DOCK2: variants seen among roughly 807,000 people sequenced by gnomAD.
The protein encoded by DOCK2 is dedicator of cytokinesis protein 2.
A neutral mutation model predicts 248.9 loss-of-function variants in DOCK2; 87 were observed. That is an observed-to-expected ratio of 0.35 (90% CI 0.29 to 0.42). DOCK2 has a LOEUF of 0.42. Ranked by LOEUF, DOCK2 falls within the 10% of genes least tolerant of loss-of-function variation. The pLI is 1.00. For synonymous variants in DOCK2, 805 were observed against 821.6 expected (o/e 0.98, Z 0.35); for missense variants, 1,747 against 2,300.2 (o/e 0.76, Z 4.92).
chr5:169,693,010 T>G (rs1247072363), intron 9 of DOCK2, among the ~76,000 whole-genome samples: 1 of 151,890 alleles, frequency 6.6e-6, no homozygotes, highest in African/African-American at 2.4e-5. Context: ...GAATTTGGGG[T>G]GTGTGTGTGG....
chr5:169,818,101 C>G (rs1561729038), intron 26 of DOCK2, among the ~76,000 whole-genome samples: 1 of 152,142 alleles, frequency 6.6e-6, no homozygotes, highest in Admixed American at 6.5e-5. Flanking sequence ...GTTGGTCACA[C>G]CCCAAGGCCA....
intron 1 of DOCK2, among the ~76,000 whole-genome samples, chr5:169,651,623 A>T (rs1757809249): frequency 6.6e-6 from 1 of 152,186 alleles, no homozygotes; most frequent in African/African-American, 2.4e-5. Flanking sequence ...TTCTACTGCC[A>T]AGTCCTCAGG....
intron 25 of DOCK2, among the ~76,000 whole-genome samples, chr5:169,794,525 T>C (rs955269526): frequency 1.3e-5 from 2 of 152,228 alleles, no homozygotes; most frequent in Admixed American, 1.3e-4. Flanking sequence ...TAAACATACA[T>C]GTTTAAGGAT....
intron 2 of DOCK2, among the ~76,000 whole-genome samples, chr5:169,666,686 C>G (rs1056015654): frequency 1.3e-5 from 2 of 152,154 alleles, no homozygotes; most frequent in African/African-American, 4.8e-5. Flanking sequence ...AGAAAAAAGT[C>G]ATAAGGATAG....
At chr5:169,832,490 G>A (rs1037495209) in intron 26 of DOCK2, among the ~76,000 whole-genome samples, 2 of 152,152 alleles carry the variant, frequency 1.3e-5, no homozygotes, top group Non-Finnish European at 2.9e-5. Context: ...CCTCCCCTTC[G>A]CTGAGCTGTC....
chr5:169,642,338 T>C (rs1757197583), intron 1 of DOCK2, among the ~76,000 whole-genome samples: 1 of 152,242 alleles, frequency 6.6e-6, no homozygotes, highest in African/African-American at 2.4e-5. Context: ...TTCTGGAGCC[T>C]GTAGTCTAAT....
chr5:169,724,305 G>C (rs1347761210), intron 22 of DOCK2, among the ~76,000 whole-genome samples: 4 of 152,174 alleles, frequency 2.6e-5, no homozygotes, highest in Admixed American at 2.6e-4. Context: ...AGATGAGCTG[G>C]AGCAGGAGTG....
At chr5:169,698,234 C>G (rs943737979) in intron 10 of DOCK2, 140 bp from the exon 11 acceptor site, 1 of 701,590 alleles carries the variant, frequency 1.4e-6, no homozygotes, top group African/African-American at 1.8e-5. Flanking sequence ...TTGTGCAGCA[C>G]TGGCTTGCTT....
chr5:169,680,978 C>G (rs948652265), intron 6 of DOCK2, among the ~76,000 whole-genome samples: 24 of 151,904 alleles, frequency 1.6e-4, no homozygotes, highest in African/African-American at 5.8e-4. Context: ...CTGTATGCAT[C>G]TTTCCATGCT....
intron 32 of DOCK2, 112 bp from the exon 33 acceptor site, chr5:170,018,848 A>G: frequency 7.4e-7 from 1 of 1,343,478 alleles, no homozygotes; most frequent in Non-Finnish European, 1.0e-6. Context: ...ATAAGTGTTA[A>G]CTATTGTTTT....
At chr5:169,666,074 T>G (rs1287253001) in intron 2 of DOCK2, among the ~76,000 whole-genome samples, 1 of 152,308 alleles carries the variant, frequency 6.6e-6, no homozygotes, top group Non-Finnish European at 1.5e-5. Context: ...AATTTATTCC[T>G]CATACTTATG....
intron 44 of DOCK2, among the ~76,000 whole-genome samples, chr5:170,063,694 CA>C (rs1757404835): frequency 6.6e-6 from 1 of 152,188 alleles, no homozygotes; most frequent in Non-Finnish European, 1.5e-5. Flanking sequence ...CTAGAGCTCC[CA>C]CCCAAGGGAC....
intron 27 of DOCK2, among the ~76,000 whole-genome samples, chr5:169,864,828 G>C (rs920887373): frequency 6.6e-6 from 1 of 152,176 alleles, no homozygotes; most frequent in Admixed American, 6.5e-5. Context: ...CAGAGGAACA[G>C]ACAAGAAAAC....
intron 14 of DOCK2, among the ~76,000 whole-genome samples, chr5:169,706,552 G>A (rs893040231): frequency 6.6e-6 from 1 of 152,176 alleles, no homozygotes; most frequent in Non-Finnish European, 1.5e-5. Flanking sequence ...AGGGCTTAGT[G>A]TGATGCTGGA....
At chr5:169,914,024 A>G (rs2113628983) in intron 27 of DOCK2, among the ~76,000 whole-genome samples, 1 of 152,316 alleles carries the variant, frequency 6.6e-6, no homozygotes, top group African/African-American at 2.4e-5. Flanking sequence ...ACTTTGATGG[A>G]CACCCAAAGA....
At chr5:169,830,790 G>A (rs547977502) in intron 26 of DOCK2, among the ~76,000 whole-genome samples, 1 of 152,288 alleles carries the variant, frequency 6.6e-6, no homozygotes, top group African/African-American at 2.4e-5. Flanking sequence ...ACTTTGCAGT[G>A]CTTTTCTGTC....
Position 169,681,820 on chromosome 5 carries a change from T to C in DOCK2, c.547T>C (p.Leu183=). Residue 183 remains leucine, a synonymous_variant, in exon 7 of 52, where the codon TTG becomes CTG. Transcript: ENST00000520908. ...LDPDNTSVIS[L]FHAHEEATDK... ...CCCTGATAATACCAGTGTCATCAGCTTGTTCCATGCACATGAGGAAGCAAC... is the reference window on the plus strand; with the variant it reads ...CCCTGATAATACCAGTGTCATCAGCCTGTTCCATGCACATGAGGAAGCAAC... 6.2e-7 allele frequency: 1 copy of C among 1,614,032 alleles called. No individual in the cohort carries two copies. The highest frequency in any genetic ancestry group is 1.1e-5 in the South Asian group (1 of 91,046).
At chr5:169,770,014 G>A (rs1764999935) in intron 25 of DOCK2, among the ~76,000 whole-genome samples, 1 of 152,168 alleles carries the variant, frequency 6.6e-6, no homozygotes, top group African/African-American at 2.4e-5. Context: ...GGTAGTAAAA[G>A]CATTATTCAA....
At chr5:169,797,594 C>G (rs1766732764) in intron 25 of DOCK2, among the ~76,000 whole-genome samples, 1 of 152,150 alleles carries the variant, frequency 6.6e-6, no homozygotes, top group East Asian at 1.9e-4. Flanking sequence ...AATTAAAACC[C>G]AAAGAGTTGA....
Sources: gnomAD v4.1 joint callset for allele counts (sites outside exome capture counted in the v4.1 genomes callset) on GRCh38, gnomAD v4.1.1 for gene constraint, MANE v1.5 for transcripts, NCBI Gene and HGNC (gene_info 2026-07-23, HGNC 2026-07-21) for gene names.